The following KIF13A variants were observed in gnomAD, a reference collection of about 807,000 sequenced individuals.
KIF13A encodes the protein kinesin family member 13A.
Under a neutral mutation model 212.2 loss-of-function variants are expected in KIF13A, and 79 were observed. That is an observed-to-expected ratio of 0.37 (90% CI 0.31 to 0.45). KIF13A has a LOEUF of 0.45. KIF13A is among the 20% of genes least tolerant of loss of function. KIF13A has a pLI of 1.00. For missense variants in KIF13A, 1,901 were observed against 2,209.0 expected (o/e 0.86, Z 2.79); for synonymous variants, 789 against 808.6 (o/e 0.98, Z 0.41).
chr6:17,973,426 T>G (rs2150614495), intron 2 of KIF13A, among the ~76,000 whole-genome samples: 1 of 152,288 alleles, frequency 6.6e-6, no homozygotes, highest in African/African-American at 2.4e-5. Flanking sequence ...ACACCTTCCA[T>G]TCTCGTATCA....
intron 2 of KIF13A, among the ~76,000 whole-genome samples, chr6:17,955,849 T>G (rs1778312800): frequency 6.6e-6 from 1 of 152,188 alleles, no homozygotes. Context: ...TGTTCACACA[T>G]CTACATTTTT....
chr6:17,762,891 A>G (rs1758650308), downstream of KIF13A, among the ~76,000 whole-genome samples: 2 of 152,234 alleles, frequency 1.3e-5, no homozygotes, highest in Non-Finnish European at 2.9e-5. Context: ...TGTTATGAAA[A>G]GCAGGGGCAA....
At chr6:17,877,224 A>T (rs540984138) in intron 3 of KIF13A, among the ~76,000 whole-genome samples, 2 of 152,200 alleles carry the variant, frequency 1.3e-5, no homozygotes, top group Admixed American at 1.3e-4. Flanking sequence ...TGTTTTTAAA[A>T]CTGATTTAGG....
chr6:17,930,301 G>A (rs960674417), intron 2 of KIF13A, among the ~76,000 whole-genome samples: 52 of 152,326 alleles, frequency 3.4e-4, no homozygotes, highest in African/African-American at 1.2e-3. Context: ...GCATTGTGAA[G>A]CACCATGAGA....
At chr6:17,911,888 C>T (rs938627337) in intron 2 of KIF13A, among the ~76,000 whole-genome samples, 3 of 151,894 alleles carry the variant, frequency 2.0e-5, no homozygotes, top group Non-Finnish European at 4.4e-5. Context: ...AGTCAGCATC[C>T]CAAGTAGCTG....
At position 17,819,290 on chromosome 6, in the gene KIF13A, G is replaced by A. The variant is rs368101588; in HGVS notation, c.1787-2057C>T. 4.6e-5 allele frequency among the ~76,000 whole-genome samples: 7 copies of A among 152,238 alleles called. No homozygotes were observed. In the East Asian group the frequency reaches 7.7e-4, roughly 17 times the overall value. ...ATGGAAAATAAACTGGGGGCCAGGC[G>A]TGGTGGCTCACGCCTGTAATCCCAG... On this transcript the variant is annotated intron_variant, in intron 16 of 38. Transcript: ENST00000259711.
rs771989238 is a variant in KIF13A at position 17,817,136 on chromosome 6, C to T, written c.1884G>A (p.Leu628=). 13 of 1,613,936 alleles carry T rather than the reference C, an allele frequency of 8.1e-6. No homozygotes were observed. Among genetic ancestry groups the T allele is most frequent in the African/African-American group, 6.7e-5 (5 of 74,940 alleles). Residue 628 remains leucine (L), a synonymous_variant, in exon 17 of 39, where the codon CTG becomes CTA. Coordinates refer to ENST00000259711, the MANE Select transcript of KIF13A (RefSeq NM_022113.6). ...EEQRLMYERE[L]EQLRQQLSPD... ...GGGAGAGCTGCTGGCGGAGTTGCTC[C>T]AGTTCCCGCTCATACATGAGCCGCT...
chr6:17,779,997 T>A (rs1760407463), intron 31 of KIF13A, among the ~76,000 whole-genome samples: 1 of 150,930 alleles, frequency 6.6e-6, no homozygotes, highest in Non-Finnish European at 1.5e-5. Context: ...CCGCCCGCCT[T>A]GGCCTCTCAA....
chr6:17,837,018 T>C lies in KIF13A; in HGVS notation c.1015A>G (p.Thr339Ala), dbSNP rs910220165. 1 of 1,613,892 alleles carries C rather than the reference T, an allele frequency of 6.2e-7. No individual in the cohort carries two copies. The highest frequency in any genetic ancestry group is 8.5e-7 in the Non-Finnish European group (1 of 1,179,868). ...TCTGCATATCTTAATGTGGAGAGGG[T>C]CTCTTCATAGTTGTCTGCGGCTGGG... The part of the protein sequence containing the change: ...ISPAADNYEE[T>A]LSTLRYADRA... Residue 339 changes from threonine to alanine, a missense_variant, in exon 11 of 39, where the codon ACC (threonine) becomes GCC (alanine). Coordinates refer to ENST00000259711, the MANE Select transcript of KIF13A (RefSeq NM_022113.6). This position sits in a 1 kb window ranked among gnomAD's most constrained non-coding sequence, Gnocchi z 5.4.
intron 23 of KIF13A, 135 bp downstream of exon 23, chr6:17,796,534 C>G: frequency 3.5e-6 from 2 of 563,708 alleles, no homozygotes; most frequent in East Asian, 7.2e-5. Context: ...GCCACCGCAC[C>G]TGGCCATTCT....
rs1405350169 is a variant in KIF13A, at chr6:17,914,032, T to TC, written c.147-15853dup. On this transcript the variant is annotated intron_variant, in intron 2 of 38. Transcript: ENST00000259711. The surrounding 1 kb of genome is among the most constrained non-coding windows in gnomAD (Gnocchi z 5.9). ...TTTAGAGGTCACATGCCACGATACC[T>TC]CCCTCCCCTCAACACTTACAAAAGT... Among the ~76,000 whole-genome samples the TC allele has an allele frequency of 6.6e-6, 1 of 151,848 alleles. No individual in the cohort carries two copies.
At chr6:17,821,770 CCAAT>C (rs1764475346) in intron 16 of KIF13A, 1 of 1,534,856 alleles carries the variant, frequency 6.5e-7, no homozygotes, top group Admixed American at 2.0e-5. Context: ...CATGCCAATG[CCAAT>C]CAGTTAAAAA....
Position 17,772,249 on chromosome 6 carries a change from A to G in KIF13A, c.4325-190T>C, listed in dbSNP as rs193294733. On this transcript the variant is annotated intron_variant, in intron 36 of 38. Transcript: ENST00000259711. The surrounding 1 kb of genome is among the most constrained non-coding windows in gnomAD (Gnocchi z 4.8). ...ATAGGGACACCAGTCTGTGAAAAAA[A>G]AAATAAACAGATAGCCAGGCATGGT... is the stretch of plus-strand genomic sequence containing the variant. Among the ~76,000 whole-genome samples, 4 of 152,298 alleles carry G rather than the reference A, an allele frequency of 2.6e-5. No homozygotes were observed. Among genetic ancestry groups the G allele is most frequent in the African/African-American group, 9.6e-5 (4 of 41,572 alleles).
At chr6:17,885,959 A>C (rs1771505182) in intron 3 of KIF13A, among the ~76,000 whole-genome samples, 2 of 152,192 alleles carry the variant, frequency 1.3e-5, no homozygotes, top group Admixed American at 1.3e-4. Context: ...CTTCTCAAAA[A>C]ACCTAGCCAC....
rs962272152 is a variant in KIF13A at position 17,826,967 on chromosome 6, CAGG to C, written c.1533-846_1533-844del. On this transcript the variant is annotated intron_variant, in intron 14 of 38. Transcript: ENST00000259711. This position sits in a 1 kb window ranked among gnomAD's most constrained non-coding sequence, Gnocchi z 4.7. ...AATCCCAGCTACTTGGGAGGCGAGGCAGGAGGTTTGCTTGAACCTGGAAGGCAG... is the reference window on the plus strand; with the variant it reads ...AATCCCAGCTACTTGGGAGGCGAGGCAGGTTTGCTTGAACCTGGAAGGCAG... Among the ~76,000 whole-genome samples the C allele has an allele frequency of 6.6e-5, 10 of 151,296 alleles. No individual in the cohort carries two copies. The highest frequency in any genetic ancestry group is 2.2e-4 in the African/African-American group (9 of 41,184).
intron 3 of KIF13A, among the ~76,000 whole-genome samples, chr6:17,875,934 T>C (rs1002249176): frequency 6.6e-6 from 1 of 152,188 alleles, no homozygotes; most frequent in Non-Finnish European, 1.5e-5. Context: ...AGATTCTCAA[T>C]GAAATTCTCA....
intron 14 of KIF13A, among the ~76,000 whole-genome samples, chr6:17,827,294 G>A (rs998578694): frequency 2.0e-5 from 3 of 151,310 alleles, no homozygotes; most frequent in African/African-American, 4.9e-5. Context: ...AGGGGGTTTC[G>A]CCATGTTGCT....
intron 11 of KIF13A, 92 bp downstream of exon 11, chr6:17,836,786 G>T: frequency 9.1e-7 from 1 of 1,101,568 alleles, no homozygotes; most frequent in Non-Finnish European, 1.3e-6. Context: ...AACCATATCA[G>T]ATGACCTACA....
In KIF13A at chr6:17,763,962, AGACTTGCTCTCC is replaced by A. The variant is rs773010262; in HGVS notation, c.*136_*147del. ...ACAATTGCGTTCTAGTTCCCAAAAC[AGACTTGCTCTCC>A]GACAGAGACAGCTGTGCAGGAAGTG... On this transcript the variant is annotated 3_prime_UTR_variant, in exon 39 of 39. Transcript: ENST00000259711. The A allele has an allele frequency of 7.6e-4, 1,100 of 1,445,084 alleles. 5 individuals are homozygous for A. The Middle Eastern group carries it at 0.012, about 15-fold the overall frequency. 89.5% of individuals were successfully genotyped at this position (1,445,084 alleles called of 1,614,324 possible). A position where few individuals can be genotyped will look rare whatever the true frequency, so the allele number is the denominator to read the frequency against.
Sources: allele counts gnomAD v4.1 joint callset (sites outside exome capture counted in the v4.1 genomes callset), GRCh38; gene constraint gnomAD v4.1.1; non-coding constraint Gnocchi (gnomAD v3.1); transcripts MANE v1.5; gene names NCBI Gene and HGNC (gene_info 2026-07-23, HGNC 2026-07-21).